Variants in KCNJ5 observed in about 807,000 individuals in gnomAD.
KCNJ5 encodes potassium inwardly rectifying channel subfamily J member 5, also known as G protein-activated inward rectifier potassium channel 4.
In KCNJ5, 12 loss-of-function variants were observed where a neutral mutation model predicts 20.2. The ratio of observed to expected loss-of-function variants is 0.59; its 90% CI spans 0.38 to 0.96. KCNJ5 has a LOEUF of 0.96. KCNJ5 is among the 40% of genes least tolerant of loss of function. The pLI is 0.00. For synonymous variants in KCNJ5, 210 were observed against 213.9 expected (o/e 0.98, Z 0.16); for missense variants, 449 against 557.6 (o/e 0.81, Z 1.96).
intron 1 of KCNJ5, among the ~76,000 whole-genome samples, chr11:128,910,232 C>G (rs998341628): frequency 6.6e-6 from 1 of 152,240 alleles, no homozygotes; most frequent in Admixed American, 6.5e-5. Flanking sequence ...AGGGGACTAT[C>G]AGACACCTGT....
At chr11:128,902,636 C>T in intron 1 of KCNJ5, 1 of 1,614,056 alleles carries the variant, frequency 6.2e-7, no homozygotes, top group Non-Finnish European at 8.5e-7. Context: ...ATGGGCCTTG[C>T]AGATTGAGTT....
At chr11:128,894,676 C>A (rs75190942) in intron 1 of KCNJ5, among the ~76,000 whole-genome samples, 12,170 of 152,288 alleles carry the variant, frequency 0.08, 519 homozygotes, top group Middle Eastern at 0.13. Context: ...TGTGAAGTGG[C>A]TTTCCCTGGA....
chr11:128,893,318 G>A (rs1193285869), intron 1 of KCNJ5, among the ~76,000 whole-genome samples: 1 of 152,118 alleles, frequency 6.6e-6, no homozygotes, highest in Non-Finnish European at 1.5e-5. Flanking sequence ...GGCCACCATT[G>A]AAAGACAGGA....
chr11:128,919,859 C>T lies in KCNJ5; in HGVS notation c.*3128C>T, dbSNP rs1420292476. ...ATTTTCAAAACACTGCTCCTGCATA[C>T]AAACCACTCAGAGGCCACTGCCCTT... is the stretch of plus-strand genomic sequence containing the variant. On this transcript the variant is annotated 3_prime_UTR_variant, in exon 3 of 3. Coordinates refer to ENST00000529694, the MANE Select transcript of KCNJ5 (RefSeq NM_000890.5). 6.6e-6 allele frequency: 1 copy of T among 152,236 alleles called. No individual in the cohort carries two copies. Among genetic ancestry groups the T allele is most frequent in the Non-Finnish European group, 1.5e-5 (1 of 68,104 alleles). 9.4% of individuals were successfully genotyped at this position (152,236 alleles called of 1,614,324 possible). A position where few individuals can be genotyped will look rare whatever the true frequency, so the allele number is the denominator to read the frequency against.
intron 1 of KCNJ5, chr11:128,903,232 C>T: frequency 9.2e-7 from 1 of 1,085,530 alleles, no homozygotes; most frequent in African/African-American, 1.6e-5. Context: ...TGTTTCTCTA[C>T]ATCAAAATAT....
At chr11:128,908,223 G>C (rs1944451666) in intron 1 of KCNJ5, among the ~76,000 whole-genome samples, 1 of 152,224 alleles carries the variant, frequency 6.6e-6, no homozygotes, top group African/African-American at 2.4e-5. Flanking sequence ...AATTTGAGGA[G>C]AGATTATGAA....
rs1944498308 is a variant in KCNJ5, at chr11:128,911,519, G to A, written c.246G>A (p.Val82=). The change falls in exon 2 of 3, where the codon GTG becomes GTA. Residue 82 remains valine (V), a synonymous_variant. Coordinates refer to ENST00000529694, the MANE Select transcript of KCNJ5 (RefSeq NM_000890.5). The surrounding 1 kb of genome is among the most constrained non-coding windows in gnomAD (Gnocchi z 6.3). The part of the protein sequence containing the change: ...RYLSDLFTTL[V]DLKWRFNLLV... ...TGAGTGACCTCTTCACCACCCTGGT[G>A]GACCTCAAGTGGCGCTTCAACTTGC... 6.2e-7 allele frequency: 1 copy of A among 1,614,246 alleles called. No individual in the cohort carries two copies. Among genetic ancestry groups the A allele is most frequent in the Non-Finnish European group, 8.5e-7 (1 of 1,180,042 alleles).
At chr11:128,915,595 A>G (rs1388107331) in intron 2 of KCNJ5, among the ~76,000 whole-genome samples, 1 of 152,094 alleles carries the variant, frequency 6.6e-6, no homozygotes, top group African/African-American at 2.4e-5. Flanking sequence ...ATTCACTCCA[A>G]TCTCTAGGAA....
chr11:128,904,326 C>G, intron 1 of KCNJ5: 18 of 1,485,958 alleles, frequency 1.2e-5, no homozygotes, highest in Non-Finnish European at 1.7e-5. Context: ...ACCCTGGCCT[C>G]TCTCTCACTC....
intron 1 of KCNJ5, among the ~76,000 whole-genome samples, chr11:128,902,980 T>C (rs1483525252): frequency 6.6e-6 from 1 of 152,166 alleles, no homozygotes; most frequent in Non-Finnish European, 1.5e-5. Context: ...AAAAGTTTAA[T>C]TTCTGGCTTT....
intron 1 of KCNJ5, among the ~76,000 whole-genome samples, chr11:128,904,201 C>A (rs558153748): frequency 6.6e-6 from 1 of 152,216 alleles, no homozygotes; most frequent in Non-Finnish European, 1.5e-5. Flanking sequence ...TGTTTGCTCC[C>A]CTGTTCTCAG....
intron 1 of KCNJ5, among the ~76,000 whole-genome samples, chr11:128,907,588 G>T (rs932181578): frequency 6.6e-6 from 1 of 152,198 alleles, no homozygotes; most frequent in African/African-American, 2.4e-5. Context: ...CTTTCATCAT[G>T]TCTCAACACA....
chr11:128,916,002 ATG>A, intron 2 of KCNJ5, among the ~76,000 whole-genome samples: 1 of 150,132 alleles, frequency 6.7e-6, no homozygotes, highest in Non-Finnish European at 1.5e-5. Flanking sequence ...GGATGGATGG[ATG>A]GATGGATGAT....
chr11:128,916,108 G>A (rs565117591), intron 2 of KCNJ5, among the ~76,000 whole-genome samples: 1 of 75,924 alleles, frequency 1.3e-5, no homozygotes, highest in Non-Finnish European at 2.7e-5. Context: ...ATAATTGGAT[G>A]GATGGATGGA....
chr11:128,914,389 A>G (rs7933818), intron 2 of KCNJ5, among the ~76,000 whole-genome samples: 128,922 of 152,084 alleles, frequency 0.85, 54,814 homozygotes, highest in African/African-American at 0.9. Context: ...GGGGCCCGCC[A>G]TTCACTTGTC....
intron 1 of KCNJ5, chr11:128,900,103 C>T (rs1381665357): frequency 6.6e-6 from 1 of 152,168 alleles, no homozygotes; most frequent in Non-Finnish European, 1.5e-5. Flanking sequence ...AATATCTGCC[C>T]TTTAAAAAAT....
Position 128,891,433 on chromosome 11 carries a change from C to CAGAGAGAGAGAG in KCNJ5, c.-298_-297insGAGAGAGAGAGA, listed in dbSNP as rs1286900771. The CAGAGAGAGAGAG allele has an allele frequency of 4.2e-4, 37 of 88,376 alleles. No homozygotes were observed. The highest frequency in any genetic ancestry group is 9.8e-4 in the African/African-American group (20 of 20,466). 5.5% of individuals were successfully genotyped at this position (88,376 alleles called of 1,614,324 possible). Reference sequence around the variant, plus strand: ...ACACACACACACACACACACACACACACACACACAGAGAGAGAGAGAGAGA... The same window carrying CAGAGAGAGAGAG: ...ACACACACACACACACACACACACACAGAGAGAGAGAGACACACACAGAGAGAGAGAGAGAGA... On this transcript the variant is annotated 5_prime_UTR_variant, in exon 1 of 3. Coordinates refer to ENST00000529694, the MANE Select transcript of KCNJ5 (RefSeq NM_000890.5).
intron 1 of KCNJ5, among the ~76,000 whole-genome samples, chr11:128,903,137 C>T (rs1379333787): frequency 6.6e-6 from 1 of 152,098 alleles, no homozygotes. Flanking sequence ...ACCATGTCCC[C>T]CAAACCCAGG....
intron 1 of KCNJ5, among the ~76,000 whole-genome samples, chr11:128,910,663 A>G (rs745442619): frequency 1.3e-5 from 2 of 152,076 alleles, no homozygotes. Context: ...TATCCATCCA[A>G]TTACTCAGTA....
Sources: allele counts gnomAD v4.1 joint callset (sites outside exome capture counted in the v4.1 genomes callset), GRCh38; gene constraint gnomAD v4.1.1; non-coding constraint Gnocchi (gnomAD v3.1); transcripts MANE v1.5; gene names NCBI Gene and HGNC (gene_info 2026-07-23, HGNC 2026-07-21).